TAF3: variants seen among roughly 807,000 people sequenced by gnomAD.
TAF3 encodes the protein TATA-box binding protein associated factor 3.
A neutral mutation model predicts 80.6 loss-of-function variants in TAF3; 7 were observed. The observed-to-expected ratio is 0.09, with a 90% CI of 0.05 to 0.16. TAF3 has a LOEUF of 0.16. TAF3 is among the 10% of genes least tolerant of loss of function. TAF3 has a pLI of 1.00. For synonymous variants in TAF3, 444 were observed against 446.1 expected, an observed-to-expected ratio of 1.00 and a Z score of 0.06; for missense variants, 921 against 1,140.2, an observed-to-expected ratio of 0.81 and a Z score of 2.77.
Position 7,863,564 on chromosome 10 carries a change from C to T in TAF3, c.409+39004C>T, listed in dbSNP as rs187104851. 7.9e-3 allele frequency among the ~76,000 whole-genome samples: 1,118 copies of T among 140,660 alleles called. 7 individuals are homozygous for T. Among genetic ancestry groups the T allele is most frequent in the South Asian group, 0.016 (71 of 4,360 alleles). 92.3% of individuals were successfully genotyped at this position (140,660 alleles called of 152,430 possible). On this transcript the variant is annotated intron_variant, in intron 2 of 6. Coordinates refer to ENST00000344293, the MANE Select transcript of TAF3 (RefSeq NM_031923.4). ...GGCGGAGGTTGCAGCGAGCTGAGAT[C>T]GCCCCACTGCACTCCAGCCTGATGA...
intron 4 of TAF3, among the ~76,000 whole-genome samples, chr10:7,982,551 A>G (rs1831735365): frequency 6.6e-6 from 1 of 152,132 alleles, no homozygotes; most frequent in African/African-American, 2.4e-5. Context: ...GGCATGTGCC[A>G]CCATGCCCGG....
intron 2 of TAF3, among the ~76,000 whole-genome samples, chr10:7,931,334 A>G (rs955756415): frequency 1.3e-5 from 2 of 152,208 alleles, no homozygotes; most frequent in African/African-American, 4.8e-5. Flanking sequence ...GAACCCCAAG[A>G]AACTCTGTTC....
In TAF3 at chr10:7,863,708, C is replaced by T. The variant is rs903513046; in HGVS notation, c.409+39148C>T. Among the ~76,000 whole-genome samples the T allele has an allele frequency of 3.6e-4, 29 of 81,406 alleles. 3 individuals are homozygous for T. Among genetic ancestry groups the T allele is most frequent in the African/African-American group, 1.2e-3 (25 of 20,580 alleles). 53.4% of individuals were successfully genotyped at this position (81,406 alleles called of 152,430 possible). On this transcript the variant is annotated intron_variant, in intron 2 of 6. Transcript: ENST00000344293. Reference sequence around the variant, plus strand: ...ATACACACACATATATATATATACACATATATATATACACATATATATATA... The same window carrying T: ...ATACACACACATATATATATATACATATATATATATACACATATATATATA...
At position 7,885,272 on chromosome 10, in the gene TAF3, A is replaced by ACC. The variant is rs1464929105; in HGVS notation, c.409+60716_409+60717dup. 5.7e-4 allele frequency among the ~76,000 whole-genome samples: 86 copies of ACC among 151,490 alleles called. 1 individual carries two copies. The highest frequency in any genetic ancestry group is 1.4e-3 in the African/African-American group (58 of 41,266). On this transcript the variant is annotated intron_variant, in intron 2 of 6. Coordinates refer to ENST00000344293, the MANE Select transcript of TAF3 (RefSeq NM_031923.4). ...TTGACACACACACACACACACACAC[A>ACC]CCCCCACACACACACAAAGTGACTA... is the stretch of plus-strand genomic sequence containing the variant.
At chr10:7,908,416 T>C (rs1015118874) in intron 2 of TAF3, among the ~76,000 whole-genome samples, 1 of 152,228 alleles carries the variant, frequency 6.6e-6, no homozygotes. Context: ...ACTTTAAGCA[T>C]TGGCAACTTT....
At chr10:8,000,765 T>C (rs2131434771) in intron 4 of TAF3, among the ~76,000 whole-genome samples, 1 of 152,292 alleles carries the variant, frequency 6.6e-6, no homozygotes, top group South Asian at 2.1e-4. Flanking sequence ...GGCAGCAGAG[T>C]GAGACCCTGC....
intron 2 of TAF3, among the ~76,000 whole-genome samples, chr10:7,824,806 C>T (rs1311455251): frequency 1.3e-5 from 2 of 152,160 alleles, no homozygotes; most frequent in African/African-American, 4.8e-5. Flanking sequence ...TAGAGGAAAA[C>T]AGTGAAGCCA....
intron 2 of TAF3, among the ~76,000 whole-genome samples, chr10:7,860,581 C>G (rs1384780587): frequency 6.6e-6 from 1 of 152,000 alleles, no homozygotes; most frequent in African/African-American, 2.4e-5. Flanking sequence ...TAGAAAAAAA[C>G]AAAAAAGATA....
intron 2 of TAF3, among the ~76,000 whole-genome samples, chr10:7,848,917 C>T (rs1415932910): frequency 6.6e-6 from 1 of 152,124 alleles, no homozygotes; most frequent in African/African-American, 2.4e-5. Context: ...TGTTAGTAAA[C>T]ATATGTTTAT....
intron 4 of TAF3, among the ~76,000 whole-genome samples, chr10:7,983,224 G>A (rs1183630381): frequency 3.9e-5 from 6 of 152,196 alleles, no homozygotes; most frequent in Non-Finnish European, 7.3e-5. Flanking sequence ...CAGCCCCCGT[G>A]AAGGACTTCG....
rs114580542 is a variant in TAF3, at chr10:7,932,824, T to G, written c.410-31096T>G. Among the ~76,000 whole-genome samples the G allele has an allele frequency of 2.7e-3, 416 of 152,120 alleles. 5 individuals carry two copies. The highest frequency in any genetic ancestry group is 9.3e-3 in the African/African-American group (387 of 41,498). On this transcript the variant is annotated intron_variant, in intron 2 of 6. Coordinates refer to ENST00000344293, the MANE Select transcript of TAF3 (RefSeq NM_031923.4). ...CCTAGAGTAGCTGGTAATACAGATA[T>G]GCACTACCACACCGAGCTAATTCTT...
chr10:7,857,631 G>A (rs112442580), intron 2 of TAF3, among the ~76,000 whole-genome samples: 1,981 of 152,266 alleles, frequency 0.013, 23 homozygotes, highest in Non-Finnish European at 0.019. Context: ...CTGTTTGTGA[G>A]TTATTTCATG....
chr10:7,833,946 G>T (rs1037553185), intron 2 of TAF3: 4 of 373,720 alleles, frequency 1.1e-5, no homozygotes, highest in East Asian at 1.2e-4. Flanking sequence ...TGCCATTCCC[G>T]CTGGGCACCA....
chr10:7,899,343 C>G (rs978370684), intron 2 of TAF3, among the ~76,000 whole-genome samples: 4 of 152,172 alleles, frequency 2.6e-5, no homozygotes, highest in African/African-American at 9.7e-5. Flanking sequence ...TGATGGTCAT[C>G]TGGGTGGCTG....
At chr10:7,888,853 G>T (rs1234241053) in intron 2 of TAF3, among the ~76,000 whole-genome samples, 1 of 152,146 alleles carries the variant, frequency 6.6e-6, no homozygotes, top group African/African-American at 2.4e-5. Context: ...CAGATTCAAG[G>T]CTCTAAGTAA....
At position 7,959,138 on chromosome 10, in the gene TAF3, TCACACACACACA is replaced by T. The variant is rs113376582; in HGVS notation, c.410-4767_410-4756del. Reference sequence around the variant, plus strand: ...CTGGGTGACAGAACGAGATTCTGTCTCACACACACACACACACACACACACAAAAAAAGTTTC... The same window carrying T: ...CTGGGTGACAGAACGAGATTCTGTCTCACACACACACACAAAAAAAGTTTC... On this transcript the variant is annotated intron_variant, in intron 2 of 6. Coordinates refer to ENST00000344293, the MANE Select transcript of TAF3 (RefSeq NM_031923.4). Among the ~76,000 whole-genome samples the T allele has an allele frequency of 4.0e-3, 594 of 149,876 alleles. 2 individuals are homozygous for T. The highest frequency in any genetic ancestry group is 0.013 in the African/African-American group (537 of 40,720).
intron 2 of TAF3, among the ~76,000 whole-genome samples, chr10:7,838,929 G>GT (rs1554776018): frequency 1.9e-4 from 17 of 88,346 alleles, no homozygotes; most frequent in South Asian, 4.0e-4. Context: ...TTTTTGGTTT[G>GT]TTTGTTTTGT....
At chr10:8,014,197 G>A (rs925136842) in intron 6 of TAF3, among the ~76,000 whole-genome samples, 18 of 152,168 alleles carry the variant, frequency 1.2e-4, no homozygotes, top group Admixed American at 1.2e-3. Context: ...TTGTAAAGGT[G>A]GTACAAACTG....
chr10:7,966,532 G>T (rs1319812278), intron 3 of TAF3, among the ~76,000 whole-genome samples: 5 of 152,176 alleles, frequency 3.3e-5, no homozygotes, highest in Non-Finnish European at 7.3e-5. Flanking sequence ...TGGTTTCTTG[G>T]ATTACAGCAG....
Sources: allele counts gnomAD v4.1 joint callset (sites outside exome capture counted in the v4.1 genomes callset), GRCh38; gene constraint gnomAD v4.1.1; transcripts MANE v1.5; gene names NCBI Gene and HGNC (gene_info 2026-07-23, HGNC 2026-07-21).